Variants in MAP4K5 observed in about 807,000 individuals in gnomAD.
The protein encoded by MAP4K5 is mitogen-activated protein kinase kinase kinase kinase 5.
In MAP4K5, 82 loss-of-function variants were observed where a neutral mutation model predicts 135.6. The observed-to-expected ratio is 0.60, with a 90% CI of 0.51 to 0.73. The LOEUF is 0.73. Among genes scored for constraint, MAP4K5 ranks in the 30% least tolerant of loss-of-function variants. MAP4K5 has a pLI of 0.00. For missense variants in MAP4K5, 907 were observed against 1,010.9 expected (o/e 0.90, Z 1.39); for synonymous variants, 347 against 335.0 (o/e 1.04, Z -0.39).
rs2037092908 is a variant in MAP4K5, at chr14:50,476,146, GGTCT to G, written c.447_450del (p.Asp150MetfsTer4). On this transcript the variant is annotated frameshift_variant, in exon 8 of 33. Transcript: ENST00000682126. LOFTEE classifies it high-confidence loss of function. ...AACATACCTAATTTTACATCGCCAT[GGTCT>G]GTCAATAAAATATTAGCACCCTAGA... is the stretch of plus-strand genomic sequence containing the variant. The G allele has an allele frequency of 6.7e-7, 1 of 1,501,762 alleles. No homozygotes were observed. The highest frequency in any genetic ancestry group is 1.4e-5 in the South Asian group (1 of 73,968). 93.0% of individuals were successfully genotyped at this position (1,501,762 alleles called of 1,614,324 possible).
At chr14:50,560,833 G>A (rs1182140229) in intron 1 of MAP4K5, among the ~76,000 whole-genome samples, 1 of 152,198 alleles carries the variant, frequency 6.6e-6, no homozygotes, top group South Asian at 2.1e-4. Flanking sequence ...GCCGGGTCCC[G>A]GACGGACGGT....
intron 11 of MAP4K5, among the ~76,000 whole-genome samples, chr14:50,465,852 C>T (rs2036820534): frequency 6.6e-6 from 1 of 152,012 alleles, no homozygotes; most frequent in African/African-American, 2.4e-5. Flanking sequence ...CCGAAGTGGG[C>T]AGATTACGGG....
Position 50,434,459 on chromosome 14 carries a change from T to C in MAP4K5, c.2099A>G (p.Gln700Arg). The C allele has an allele frequency of 1.2e-6, 2 of 1,609,862 alleles. No individual in the cohort carries two copies. The highest frequency in any genetic ancestry group is 1.1e-5 in the South Asian group (1 of 90,044). Residue 700 changes from glutamine (Q) to arginine (R), a missense_variant, in exon 28 of 33, where the codon CAG becomes CGG. Around this residue, in one of 3 missense-constraint regions of MAP4K5, gnomAD observed 690 missense variants for 777.4 expected, o/e 0.89. Transcript: ENST00000682126. ...VAISKGTESN[Q>R]VVQFETINLN... ...ATTGATTGTCTCAAACTGAACTACC[T>C]GATTCGATTCAGTGCCTTTGCTAAT...
intron 31 of MAP4K5, among the ~76,000 whole-genome samples, chr14:50,425,606 CACTT>C (rs1439450162): frequency 1.3e-5 from 2 of 151,950 alleles, no homozygotes; most frequent in African/African-American, 4.8e-5. Flanking sequence ...TTATGGAAAA[CACTT>C]AATAAATTTA....
chr14:50,420,968 T>C (rs773610822), intron 32 of MAP4K5, among the ~76,000 whole-genome samples: 1 of 151,484 alleles, frequency 6.6e-6, no homozygotes, highest in Non-Finnish European at 1.5e-5. Flanking sequence ...AATATACCCA[T>C]GCAGAGAAAA....
chr14:50,529,646 A>T (rs997655194), intron 2 of MAP4K5, among the ~76,000 whole-genome samples: 6 of 138,374 alleles, frequency 4.3e-5, no homozygotes, highest in Non-Finnish European at 1.0e-4. Context: ...AGAAAAAAAT[A>T]AGTAAAACAT....
In MAP4K5 at chr14:50,456,559, T is replaced by C. The variant is rs769998976; in HGVS notation, c.972A>G (p.Thr324=). The C allele has an allele frequency of 6.3e-7, 1 of 1,580,098 alleles. No homozygotes were observed. ...HAIIRHTIRS[T]NRNARAERTA... ...TCCGTTCAGCTCTGGCATTCCTGTT[T>C]GTAGATCTAATGGTATGACGAATGA... Residue 324 remains threonine, a synonymous_variant, in exon 14 of 33, where the codon ACA becomes ACG. Coordinates refer to ENST00000682126, the MANE Select transcript of MAP4K5 (RefSeq NM_006575.6).
intron 17 of MAP4K5, among the ~76,000 whole-genome samples, chr14:50,445,514 C>G (rs1408501604): frequency 6.6e-6 from 1 of 152,034 alleles, no homozygotes; most frequent in Admixed American, 6.6e-5. Flanking sequence ...AACTGTTTCC[C>G]CTCCATGTAG....
In MAP4K5 at chr14:50,477,688, G is replaced by A. The variant is rs529742425; in HGVS notation, c.379-1382C>T. ...TTCAGAACTTTTTTTTATCAGGAAT[G>A]AATGTTGGATTTTGCTAAATGCCCT... is the stretch of plus-strand genomic sequence containing the variant. On this transcript the variant is annotated intron_variant, in intron 6 of 32. Transcript: ENST00000682126. Among the ~76,000 whole-genome samples the A allele has an allele frequency of 4.6e-5, 7 of 152,244 alleles. No homozygotes were observed. The South Asian group carries it at 1.5e-3, about 32-fold the overall frequency.
chr14:50,555,694 A>G (rs2038757544), intron 1 of MAP4K5, among the ~76,000 whole-genome samples: 1 of 152,234 alleles, frequency 6.6e-6, no homozygotes, highest in Admixed American at 6.5e-5. Context: ...TAATTTTTAT[A>G]GTAGCCAAAG....
chr14:50,510,892 G>C (rs1314071807), intron 2 of MAP4K5, among the ~76,000 whole-genome samples: 1 of 152,130 alleles, frequency 6.6e-6, no homozygotes, highest in African/African-American at 2.4e-5. Flanking sequence ...TACTTTGGCA[G>C]TTTCTCACAA....
intron 13 of MAP4K5, 164 bp from the exon 14 acceptor site, chr14:50,456,758 C>G (rs1386204575): frequency 3.5e-6 from 2 of 567,378 alleles, no homozygotes; most frequent in Non-Finnish European, 6.2e-6. Flanking sequence ...GAAGTTTTTT[C>G]ACTTGTTCCA....
chr14:50,445,635 T>A (rs2036330602), intron 17 of MAP4K5, among the ~76,000 whole-genome samples: 1 of 152,156 alleles, frequency 6.6e-6, no homozygotes, highest in African/African-American at 2.4e-5. Flanking sequence ...AGTGGCACGA[T>A]CTCAGCTCAC....
At chr14:50,534,856 A>G (rs2038472850), upstream of MAP4K5, among the ~76,000 whole-genome samples, 1 of 152,270 alleles carries the variant, frequency 6.6e-6, no homozygotes, top group Non-Finnish European at 1.5e-5. Context: ...TGCTTTGTAA[A>G]GAAATGCAAA....
chr14:50,475,114 T>C lies in MAP4K5; in HGVS notation c.505A>G (p.Ile169Val), dbSNP rs375054323. The C allele has an allele frequency of 1.9e-6, 3 of 1,613,890 alleles. No homozygotes were observed. Among genetic ancestry groups the C allele is most frequent in the East Asian group, 2.2e-5 (1 of 44,852 alleles). ...FGVAAKITAT[I>V]AKRKSFIGTP... is the part of the protein sequence containing the mutation. ...CCAATGAAAGATTTTCGTTTTGCAA[T>C]GGTAGCTGTTATTTTTGCAGCCACA... The change falls in exon 9 of 33, where the codon ATT (isoleucine) becomes GTT (valine). Residue 169 changes from isoleucine (I) to valine (V), a missense_variant. Physicochemically the swap from Ile to Val is conservative, Grantham distance 29. Around this residue, in one of 3 missense-constraint regions of MAP4K5, gnomAD observed 21 missense variants for 44.2 expected, o/e 0.47. Coordinates refer to ENST00000682126, the MANE Select transcript of MAP4K5 (RefSeq NM_006575.6).
chr14:50,507,172 C>T (rs935876174), intron 2 of MAP4K5, among the ~76,000 whole-genome samples: 1 of 152,218 alleles, frequency 6.6e-6, no homozygotes, highest in Admixed American at 6.5e-5. Context: ...CTTTCATATA[C>T]ATTACTTAAT....
chr14:50,531,984 G>A lies in MAP4K5; in HGVS notation c.66C>T (p.Leu22=), dbSNP rs202072790. The stretch of plus-strand genomic sequence containing the variant: ...AGGTGCCGCTGCCGACCCTCTGGAC[G>A]AGTTCGTAGTCCTGCTGCGGGTTCC... The part of the protein sequence containing the change: ...LRRNPQQDYE[L]VQRVGSGTYG... The change falls in exon 2 of 33, where the codon CTC becomes CTT. Residue 22 remains leucine, a synonymous_variant. Coordinates refer to ENST00000682126, the MANE Select transcript of MAP4K5 (RefSeq NM_006575.6). 7 of 1,604,340 alleles carry A rather than the reference G, an allele frequency of 4.4e-6. No individual in the cohort carries two copies. In the South Asian group the frequency reaches 4.5e-5, roughly 10 times the overall value.
chr14:50,507,560 T>G (rs973715403), intron 2 of MAP4K5, among the ~76,000 whole-genome samples: 1 of 152,226 alleles, frequency 6.6e-6, no homozygotes, highest in Non-Finnish European at 1.5e-5. Flanking sequence ...TTTGTTCTCA[T>G]TGGTTTCAAA....
chr14:50,526,693 A>T (rs2038272517), intron 2 of MAP4K5, among the ~76,000 whole-genome samples: 1 of 152,208 alleles, frequency 6.6e-6, no homozygotes, highest in African/African-American at 2.4e-5. Flanking sequence ...AGCACTCAAC[A>T]AATACTTCTT....
Sources: allele counts gnomAD v4.1 joint callset (sites outside exome capture counted in the v4.1 genomes callset), GRCh38; gene constraint gnomAD v4.1.1; regional missense constraint gnomAD v4.1.1; transcripts MANE v1.5; gene names NCBI Gene and HGNC (gene_info 2026-07-23, HGNC 2026-07-21).